ABI3BP: variants seen among roughly 807,000 people sequenced by gnomAD.
ABI3BP encodes ABI family member 3 binding protein.
A neutral mutation model predicts 268.6 loss-of-function variants in ABI3BP; 216 were observed. That is an observed-to-expected ratio of 0.80 (90% CI 0.72 to 0.90). ABI3BP has a LOEUF of 0.90. ABI3BP is among the 40% of genes least tolerant of loss of function. The pLI, the probability that ABI3BP is intolerant of heterozygous loss-of-function variation, is 0.00. For missense variants in ABI3BP, 2,090 were observed against 2,182.4 expected, an observed-to-expected ratio of 0.96 and a Z score of 0.84; for synonymous variants, 730 against 730.0, an observed-to-expected ratio of 1.00 and a Z score of 0.00.
intron 4 of ABI3BP, among the ~76,000 whole-genome samples, chr3:100,897,895 G>A (rs985702578): frequency 6.6e-6 from 1 of 152,148 alleles, no homozygotes; most frequent in Non-Finnish European, 1.5e-5. Context: ...ATTGAAGCTT[G>A]AAAATTTTGA....
chr3:100,766,661 A>G (rs1208491803), intron 62 of ABI3BP, among the ~76,000 whole-genome samples: 2 of 152,192 alleles, frequency 1.3e-5, no homozygotes, highest in Non-Finnish European at 2.9e-5. Flanking sequence ...GGGCTCATCA[A>G]AAGGGAAAGA....
intron 56 of ABI3BP, among the ~76,000 whole-genome samples, chr3:100,788,720 A>C (rs2097120402): frequency 6.6e-6 from 1 of 152,150 alleles, no homozygotes; most frequent in Non-Finnish European, 1.5e-5. Flanking sequence ...TGGACTCTAC[A>C]TAAACCAAAT....
chr3:100,862,198 A>T, intron 14 of ABI3BP, 113 bp downstream of exon 14: 1 of 757,190 alleles, frequency 1.3e-6, no homozygotes, highest in East Asian at 2.8e-5. Context: ...TGTATGATAG[A>T]TTTTCCATTT....
chr3:100,767,721 T>C (rs992085546), intron 62 of ABI3BP, among the ~76,000 whole-genome samples: 2 of 152,148 alleles, frequency 1.3e-5, no homozygotes, highest in African/African-American at 4.8e-5. Flanking sequence ...TACTACTGCT[T>C]ATGGGGATTA....
At chr3:100,903,514 C>G (rs1470034926) in intron 2 of ABI3BP, among the ~76,000 whole-genome samples, 4 of 152,214 alleles carry the variant, frequency 2.6e-5, no homozygotes. Flanking sequence ...GATGAGTATT[C>G]TTTACAATGT....
At chr3:100,852,308 A>G (rs1480078426) in intron 14 of ABI3BP, among the ~76,000 whole-genome samples, 1 of 152,226 alleles carries the variant, frequency 6.6e-6, no homozygotes, top group Non-Finnish European at 1.5e-5. Context: ...CAAAGAAGGA[A>G]AACAGCAGTC....
At chr3:100,763,549 G>A (rs979103849) in intron 63 of ABI3BP, among the ~76,000 whole-genome samples, 2 of 152,078 alleles carry the variant, frequency 1.3e-5, no homozygotes, top group Non-Finnish European at 2.9e-5. Context: ...GGTTTTAGGG[G>A]TCCTCCTCAG....
In ABI3BP at chr3:100,894,965, A is replaced by AAAAAAAAAAAAAAAAAAAAAC. The variant is rs760156604; in HGVS notation, c.461+3796_461+3797insGTTTTTTTTTTTTTTTTTTTT. 9.3e-4 allele frequency among the ~76,000 whole-genome samples: 113 copies of AAAAAAAAAAAAAAAAAAAAAC among 120,856 alleles called. 8 individuals carry two copies. The highest frequency in any genetic ancestry group is 1.7e-3 in the Non-Finnish European group (86 of 51,380). The allele number at this position is 120,856 out of a possible 152,430, so 79.3% of individuals were successfully genotyped here. A position where few individuals can be genotyped will look rare whatever the true frequency, so the allele number is the denominator to read the frequency against. Reference sequence around the variant, plus strand: ...AAAAAAAAAAAAAAAAAAAAAAAAAAAACAGAAAAAAAAAACACAAGATGA... The same window carrying AAAAAAAAAAAAAAAAAAAAAC: ...AAAAAAAAAAAAAAAAAAAAAAAAAAAAAAAAAAAAAAAAAAAAAACAACAGAAAAAAAAAACACAAGATGA... On this transcript the variant is annotated intron_variant, in intron 4 of 67. Transcript: ENST00000471714.
At chr3:100,851,707 T>C (rs1308609447) in intron 15 of ABI3BP, among the ~76,000 whole-genome samples, 168 bp downstream of exon 15, 2 of 152,194 alleles carry the variant, frequency 1.3e-5, no homozygotes, top group Admixed American at 6.5e-5. Context: ...AAAGAACTAA[T>C]CACTCTATGG....
At chr3:100,903,682 G>A (rs1409103734) in intron 2 of ABI3BP, among the ~76,000 whole-genome samples, 4 of 152,206 alleles carry the variant, frequency 2.6e-5, no homozygotes, top group Non-Finnish European at 4.4e-5. Context: ...GTCTGGAGCA[G>A]AGGCCTTCTT....
At chr3:100,904,927 T>C (rs935580687) in intron 2 of ABI3BP, among the ~76,000 whole-genome samples, 38 of 152,300 alleles carry the variant, frequency 2.5e-4, no homozygotes, top group Non-Finnish European at 4.0e-4. Flanking sequence ...ACCCAAAGGA[T>C]TATAAATCAT....
At chr3:100,901,033 T>A (rs1246434302) in intron 3 of ABI3BP, among the ~76,000 whole-genome samples, 2 of 152,218 alleles carry the variant, frequency 1.3e-5, no homozygotes, top group Non-Finnish European at 2.9e-5. Context: ...ATCACACTGA[T>A]GTTTCTTGAG....
intron 2 of ABI3BP, chr3:100,910,943 A>G (rs887017723): frequency 6.4e-6 from 1 of 156,704 alleles, no homozygotes; most frequent in African/African-American, 2.4e-5. Flanking sequence ...AATGAAAAAA[A>G]AATCTCCTTT....
intron 2 of ABI3BP, among the ~76,000 whole-genome samples, chr3:100,918,704 T>C (rs180681406): frequency 5.9e-5 from 9 of 152,148 alleles, no homozygotes; most frequent in East Asian, 3.9e-4. Context: ...ATGAGTGCCT[T>C]ACATACTTAA....
At chr3:100,912,656 G>A (rs1013685077) in intron 2 of ABI3BP, among the ~76,000 whole-genome samples, 1 of 152,136 alleles carries the variant, frequency 6.6e-6, no homozygotes, top group African/African-American at 2.4e-5. Context: ...AGACCTGAGC[G>A]GGTATAATCT....
intron 45 of ABI3BP, among the ~76,000 whole-genome samples, chr3:100,812,940 G>C (rs542018319): frequency 1.3e-5 from 2 of 152,170 alleles, no homozygotes; most frequent in South Asian, 4.2e-4. Flanking sequence ...GAGTAGGGTG[G>C]CATGAACATG....
chr3:100,905,223 C>T (rs1027578240), intron 2 of ABI3BP, among the ~76,000 whole-genome samples: 1 of 151,918 alleles, frequency 6.6e-6, no homozygotes, highest in Non-Finnish European at 1.5e-5. Flanking sequence ...AGAACACATG[C>T]ACACAGGAAG....
rs2054744445 is a variant in ABI3BP, at chr3:100,908,719, C to G, written c.260-6033G>C. On this transcript the variant is annotated intron_variant, in intron 2 of 67. Transcript: ENST00000471714. ...TTACAAGGGATGTGAAGGACCTCTTCAAGGAGAACTACAAACCACTGCTCA... is the reference window on the plus strand; with the variant it reads ...TTACAAGGGATGTGAAGGACCTCTTGAAGGAGAACTACAAACCACTGCTCA... Among the ~76,000 whole-genome samples, 3 of 152,254 alleles carry G rather than the reference C, an allele frequency of 2.0e-5. No homozygotes were observed. The South Asian group carries it at 6.2e-4, about 32-fold the overall frequency.
chr3:100,811,690 G>A (rs965948641), intron 47 of ABI3BP, 38 bp downstream of exon 47: 7 of 1,509,114 alleles, frequency 4.6e-6, no homozygotes, highest in Non-Finnish European at 6.2e-6. Flanking sequence ...TTTAAAATGT[G>A]TGGAATAAAT....
Sources: allele counts gnomAD v4.1 joint callset (sites outside exome capture counted in the v4.1 genomes callset), GRCh38; gene constraint gnomAD v4.1.1; transcripts MANE v1.5; gene names NCBI Gene and HGNC (gene_info 2026-07-23, HGNC 2026-07-21).